The following GRB14 variants were observed in gnomAD, a reference collection of about 807,000 sequenced individuals.
GRB14 encodes the protein growth factor receptor-bound protein 14.
GRB14 carries 38 observed loss-of-function variants against 69.1 expected under a neutral mutation model. That is an observed-to-expected ratio of 0.55 (90% CI 0.42 to 0.72). The LOEUF is 0.72. Among genes scored for constraint, GRB14 ranks in the 30% least tolerant of loss-of-function variants. GRB14 has a pLI of 0.00. For missense variants in GRB14, 666 were observed against 666.1 expected (o/e 1.00, Z 0.00); for synonymous variants, 247 against 241.3 (o/e 1.02, Z -0.22).
intron 2 of GRB14, among the ~76,000 whole-genome samples, chr2:164,613,371 C>T (rs1176609041): frequency 2.0e-5 from 3 of 152,132 alleles, no homozygotes; most frequent in Non-Finnish European, 4.4e-5. Context: ...TTACCACACC[C>T]TTGCAGACTG....
chr2:164,533,748 A>G (rs950981218), intron 3 of GRB14, among the ~76,000 whole-genome samples: 4 of 152,168 alleles, frequency 2.6e-5, no homozygotes, highest in African/African-American at 9.6e-5. Flanking sequence ...TAACTAAAGA[A>G]CTAAGCAGGT....
intron 3 of GRB14, among the ~76,000 whole-genome samples, chr2:164,529,810 C>A (rs886485303): frequency 2.0e-5 from 3 of 152,146 alleles, no homozygotes; most frequent in African/African-American, 7.2e-5. Context: ...GAATGTGAAC[C>A]CTGCCCAAAA....
intron 6 of GRB14, among the ~76,000 whole-genome samples, chr2:164,516,462 T>G (rs1687488371): frequency 6.7e-6 from 1 of 150,218 alleles, no homozygotes; most frequent in African/African-American, 2.5e-5. Context: ...CACTTCTGCC[T>G]GGCAACAGAG....
Position 164,612,102 on chromosome 2 carries a change from A to G in GRB14, c.324+7585T>C, listed in dbSNP as rs114708194. Among the ~76,000 whole-genome samples, 952 of 152,288 alleles carry G rather than the reference A, an allele frequency of 6.3e-3. 6 individuals carry two copies. The highest frequency in any genetic ancestry group is 0.027 in the Middle Eastern group (8 of 294). ...TAGGTTTGCTGATTCCTGTTCCAATATCTTTCAGTCACATCATATTGACAC... is the reference window on the plus strand; with the variant it reads ...TAGGTTTGCTGATTCCTGTTCCAATGTCTTTCAGTCACATCATATTGACAC... On this transcript the variant is annotated intron_variant, in intron 2 of 13. Coordinates refer to ENST00000263915, the MANE Select transcript of GRB14 (RefSeq NM_004490.3).
At chr2:164,605,701 T>C (rs1221293932) in intron 2 of GRB14, among the ~76,000 whole-genome samples, 1 of 152,184 alleles carries the variant, frequency 6.6e-6, no homozygotes, top group Non-Finnish European at 1.5e-5. Context: ...TAAGGTGGTC[T>C]TCAGAGACTT....
intron 2 of GRB14, among the ~76,000 whole-genome samples, chr2:164,588,173 T>C (rs1689580128): frequency 6.6e-6 from 1 of 152,212 alleles, no homozygotes; most frequent in African/African-American, 2.4e-5. Context: ...CTCTTTAAAA[T>C]ATTATGTCAC....
intron 2 of GRB14, among the ~76,000 whole-genome samples, chr2:164,594,357 C>A (rs1447244619): frequency 6.6e-6 from 1 of 152,144 alleles, no homozygotes; most frequent in African/African-American, 2.4e-5. Context: ...TTTGATGCAT[C>A]CACATGGCTA....
chr2:164,507,613 T>C (rs1475229821), intron 8 of GRB14, among the ~76,000 whole-genome samples: 2 of 152,188 alleles, frequency 1.3e-5, no homozygotes, highest in Non-Finnish European at 2.9e-5. Flanking sequence ...TAACAATAAA[T>C]TATGTATTTT....
intron 2 of GRB14, among the ~76,000 whole-genome samples, chr2:164,601,481 A>C (rs1689912389): frequency 6.6e-6 from 1 of 152,106 alleles, no homozygotes; most frequent in Non-Finnish European, 1.5e-5. Flanking sequence ...GTAGTTTCTA[A>C]ATAGAATTCT....
intron 2 of GRB14, among the ~76,000 whole-genome samples, chr2:164,579,917 T>C (rs2105336940): frequency 6.6e-6 from 1 of 152,228 alleles, no homozygotes; most frequent in Non-Finnish European, 1.5e-5. Flanking sequence ...TTTTTATAAT[T>C]CCTTTACTAT....
intron 2 of GRB14, among the ~76,000 whole-genome samples, chr2:164,601,438 C>T (rs1689910776): frequency 6.6e-6 from 1 of 151,992 alleles, no homozygotes; most frequent in Admixed American, 6.6e-5. Context: ...TAAACATCTA[C>T]AATACTGAAA....
intron 6 of GRB14, among the ~76,000 whole-genome samples, chr2:164,511,786 G>A (rs1040753288): frequency 2.0e-5 from 3 of 152,078 alleles, no homozygotes; most frequent in African/African-American, 4.8e-5. Flanking sequence ...ATGTATGTTC[G>A]ATGCTAGCTC....
chr2:164,550,350 C>G (rs1316653173), intron 2 of GRB14, among the ~76,000 whole-genome samples: 2 of 152,134 alleles, frequency 1.3e-5, no homozygotes, highest in African/African-American at 2.4e-5. Flanking sequence ...TATGAAAACC[C>G]ATATAAGACT....
chr2:164,603,593 G>T (rs1396460670), intron 2 of GRB14, among the ~76,000 whole-genome samples: 1 of 151,672 alleles, frequency 6.6e-6, no homozygotes, highest in African/African-American at 2.4e-5. Context: ...GAACCTGGAG[G>T]CAGAGGTTGC....
intron 8 of GRB14, among the ~76,000 whole-genome samples, chr2:164,503,905 T>C (rs1278528258): frequency 3.3e-5 from 5 of 152,204 alleles, no homozygotes; most frequent in Admixed American, 2.6e-4. Context: ...AGGTCTTTAG[T>C]AGGCATTTAA....
intron 2 of GRB14, among the ~76,000 whole-genome samples, chr2:164,552,442 T>G (rs1227900830): frequency 1.3e-5 from 2 of 152,192 alleles, no homozygotes; most frequent in Non-Finnish European, 2.9e-5. Flanking sequence ...AGAAAAGTAT[T>G]TTCTGCCTTT....
chr2:164,563,638 AAGG>A (rs1396027289), intron 2 of GRB14, among the ~76,000 whole-genome samples: 1 of 152,228 alleles, frequency 6.6e-6, no homozygotes, highest in African/African-American at 2.4e-5. Flanking sequence ...AGAAAGCGAG[AAGG>A]AGTTCAGTTG....
intron 2 of GRB14, among the ~76,000 whole-genome samples, chr2:164,555,031 A>G (rs1688643441): frequency 6.6e-6 from 1 of 152,200 alleles, no homozygotes; most frequent in Non-Finnish European, 1.5e-5. Flanking sequence ...AATAAAGTCA[A>G]GTCAGTATGT....
At chr2:164,533,277 T>G (rs1246550453) in intron 3 of GRB14, among the ~76,000 whole-genome samples, 3 of 132,462 alleles carry the variant, frequency 2.3e-5, no homozygotes, top group South Asian at 2.7e-4. Flanking sequence ...CTGTCGCCCA[T>G]GGTGGAGTGC....
Sources: gnomAD v4.1 joint callset for allele counts (sites outside exome capture counted in the v4.1 genomes callset) on GRCh38, gnomAD v4.1.1 for gene constraint, MANE v1.5 for transcripts, NCBI Gene and HGNC (gene_info 2026-07-23, HGNC 2026-07-21) for gene names.